Variants in AGL observed in about 807,000 individuals in gnomAD.
AGL encodes glycogen debranching enzyme.
In AGL, 128 loss-of-function variants were observed where a neutral mutation model predicts 199.3. The ratio of observed to expected loss-of-function variants is 0.64; its 90% CI spans 0.56 to 0.74. The LOEUF (loss-of-function observed/expected upper bound fraction) is 0.74. Among genes scored for constraint, AGL ranks in the 30% least tolerant of loss-of-function variants. AGL has a pLI of 0.00. For missense variants in AGL, 1,809 were observed against 1,820.8 expected, an observed-to-expected ratio of 0.99 and a Z score of 0.12; for synonymous variants, 584 against 594.7, an observed-to-expected ratio of 0.98 and a Z score of 0.26.
At chr1:99,907,672 G>C (rs1654400721) in intron 27 of AGL, among the ~76,000 whole-genome samples, 1 of 83,756 alleles carries the variant, frequency 1.2e-5, no homozygotes, top group Non-Finnish European at 2.7e-5. Flanking sequence ...TTTTGTTTTT[G>C]TTCGTTTGTT....
chr1:99,870,017 T>C (rs1650853192), intron 5 of AGL, among the ~76,000 whole-genome samples: 1 of 152,208 alleles, frequency 6.6e-6, no homozygotes. Flanking sequence ...TTCTGAACTA[T>C]AAGCTACATT....
chr1:99,888,012 C>CTG lies in AGL; in HGVS notation c.2716_2717insTG (p.Gln906LeufsTer35). ...CAGATTAACTTTGGCTGAGCTAAAT[C>CTG]AGATCCTTTACCGATGTGAATCAGA... On this transcript the variant is annotated frameshift_variant, in exon 21 of 34. Transcript: ENST00000361915. LOFTEE classifies it high-confidence loss of function. The CTG allele has an allele frequency of 6.2e-7, 1 of 1,613,450 alleles. No homozygotes were observed. The highest frequency in any genetic ancestry group is 1.7e-5 in the Admixed American group (1 of 59,950).
At chr1:99,921,453 A>C in intron 33 of AGL, 81 bp from the exon 34 acceptor site, 1 of 941,988 alleles carries the variant, frequency 1.1e-6, no homozygotes, top group Admixed American at 1.7e-5. Flanking sequence ...CTACACTAGA[A>C]GGCAAAAATC....
At chr1:99,889,118 G>T (rs114688742) in intron 21 of AGL, among the ~76,000 whole-genome samples, 1,748 of 152,238 alleles carry the variant, frequency 0.011, 14 homozygotes, top group Non-Finnish European at 0.018. Context: ...CTACCACAGG[G>T]ATTATGGTTA....
In AGL at chr1:99,862,175, T is replaced by G. The variant is rs1407760077; in HGVS notation, c.294-82T>G. The G allele has an allele frequency of 3.8e-6, 5 of 1,316,040 alleles. No individual in the cohort carries two copies. The African/African-American group carries it at 7.3e-5, about 19-fold the overall frequency. The allele number at this position is 1,316,040 out of a possible 1,614,324, so 81.5% of individuals were successfully genotyped here. On this transcript the variant is annotated intron_variant, in intron 3 of 33. Transcript: ENST00000361915. ...ACATTTTATTTGGGACAATTAACCT[T>G]TTAGTTAGAGTCAGACTATATTATA...
At chr1:99,883,976 A>C in intron 17 of AGL, 144 bp from the exon 18 acceptor site, 1 of 673,314 alleles carries the variant, frequency 1.5e-6, no homozygotes, top group South Asian at 2.0e-5. Flanking sequence ...CCTTGGGTAG[A>C]ATCATCTACT....
At chr1:99,875,128 T>C (rs759974189) in intron 8 of AGL, 26 bp from the exon 9 acceptor site, 2 of 1,579,534 alleles carry the variant, frequency 1.3e-6, no homozygotes, top group Non-Finnish European at 1.7e-6. Context: ...TTAAATATTA[T>C]ATCTGCATTT....
At chr1:99,878,583 T>C (rs1651761504) in intron 12 of AGL, among the ~76,000 whole-genome samples, 2 of 152,198 alleles carry the variant, frequency 1.3e-5, no homozygotes, top group South Asian at 2.1e-4. Context: ...TCATCCTGCT[T>C]ATAAGTTTTT....
At chr1:99,853,615 A>G (rs1225887658) in intron 2 of AGL, among the ~76,000 whole-genome samples, 2 of 152,216 alleles carry the variant, frequency 1.3e-5, no homozygotes, top group Non-Finnish European at 2.9e-5. Context: ...TGATGAGGGC[A>G]GGTGACTCAC....
At chr1:99,920,407 G>A (rs1165012742) in intron 33 of AGL, among the ~76,000 whole-genome samples, 1 of 152,124 alleles carries the variant, frequency 6.6e-6, no homozygotes, top group Non-Finnish European at 1.5e-5. Context: ...CATCTGCAGT[G>A]ACCCGATTTC....
At chr1:99,892,237 G>T (rs1462372790) in intron 23 of AGL, among the ~76,000 whole-genome samples, 195 bp from the exon 24 acceptor site, 1 of 152,082 alleles carries the variant, frequency 6.6e-6, no homozygotes, top group Non-Finnish European at 1.5e-5. Context: ...ACCATCTGTG[G>T]ACTGTAAGCC....
In AGL at chr1:99,892,450, A is replaced by G. The variant is rs1467382297; in HGVS notation, c.3102A>G (p.Ser1034=). ...KQMSSFVQNG[S]TFVKHLSLGS... The stretch of plus-strand genomic sequence containing the variant: ...GTTACAGCTTTGTTCAGAATGGTTC[A>G]ACCTTTGTGAAACACCTTTCATTGG... The change falls in exon 24 of 34, where the codon TCA becomes TCG. Residue 1034 remains serine (S), a synonymous_variant. Coordinates refer to ENST00000361915, the MANE Select transcript of AGL (RefSeq NM_000642.3). The G allele has an allele frequency of 5.0e-5, 81 of 1,613,622 alleles. No individual in the cohort carries two copies. Among genetic ancestry groups the G allele is most frequent in the Non-Finnish European group, 6.8e-5 (80 of 1,179,662 alleles).
At chr1:99,912,568 TC>T in intron 29 of AGL, 51 bp downstream of exon 29, 1 of 1,272,946 alleles carries the variant, frequency 7.9e-7, no homozygotes, top group Non-Finnish European at 1.1e-6. Flanking sequence ...CTATGTATAT[TC>T]TCAACCTATG....
At position 99,921,790 on chromosome 1, in the gene AGL, G is replaced by A. The variant is rs1655529255; in HGVS notation, c.*139G>A. 1.8e-6 allele frequency: 1 copy of A among 549,446 alleles called. No homozygotes were observed. Among genetic ancestry groups the A allele is most frequent in the South Asian group, 3.0e-5 (1 of 33,758 alleles). The allele number at this position is 549,446 out of a possible 1,614,324, so 34.0% of individuals were successfully genotyped here. A position where few individuals can be genotyped will look rare whatever the true frequency, so the allele number is the denominator to read the frequency against. On this transcript the variant is annotated 3_prime_UTR_variant, in exon 34 of 34. Coordinates refer to ENST00000361915, the MANE Select transcript of AGL (RefSeq NM_000642.3). ...TATTGATGCTCAATTAGGTAAGATT[G>A]TAAAAGCATTGATTTTTTTTAATGT...
chr1:99,874,950 C>A, intron 8 of AGL, 140 bp downstream of exon 8: 3 of 1,202,780 alleles, frequency 2.5e-6, no homozygotes, highest in Admixed American at 2.2e-5. Flanking sequence ...TATTTCAGCA[C>A]ATGACATTTT....
chr1:99,881,104 GTAC>G lies in AGL; in HGVS notation c.1932_1934del (p.Thr645del), dbSNP rs1303617519. ...AGATCAGCGTATGATGCTCTTCCAA[GTAC>G]TACAATTGTTTCTATGGCATGTTGT... On this transcript the variant is annotated inframe_deletion, in exon 15 of 34. Transcript: ENST00000361915. 1.9e-6 allele frequency: 3 copies of G among 1,613,904 alleles called. No homozygotes were observed. The highest frequency in any genetic ancestry group is 4.5e-5 in the East Asian group (2 of 44,856).
chr1:99,857,497 G>A (rs1344334918), intron 2 of AGL, among the ~76,000 whole-genome samples: 1 of 151,984 alleles, frequency 6.6e-6, no homozygotes, highest in Non-Finnish European at 1.5e-5. Flanking sequence ...CCGAGATCAC[G>A]CCACTGCACT....
intron 2 of AGL, among the ~76,000 whole-genome samples, chr1:99,855,523 G>A (rs968444827): frequency 1.3e-5 from 2 of 151,958 alleles, no homozygotes; most frequent in Admixed American, 6.6e-5. Flanking sequence ...AAATCAGGCC[G>A]AGCACGGTGG....
intron 30 of AGL, among the ~76,000 whole-genome samples, chr1:99,914,965 A>T (rs1199918869): frequency 6.6e-6 from 1 of 152,204 alleles, no homozygotes; most frequent in Non-Finnish European, 1.5e-5. Flanking sequence ...CTGTAGTCCC[A>T]GCTGCTCAAG....
Sources: gnomAD v4.1 joint callset for allele counts (sites outside exome capture counted in the v4.1 genomes callset) on GRCh38, gnomAD v4.1.1 for gene constraint, MANE v1.5 for transcripts, NCBI Gene and HGNC (gene_info 2026-07-23, HGNC 2026-07-21) for gene names.